HPS5: variants seen among roughly 807,000 people sequenced by gnomAD.
HPS5 encodes the protein BLOC-2 complex member HPS5.
A neutral mutation model predicts 128.0 loss-of-function variants in HPS5; 83 were observed. The ratio of observed to expected loss-of-function variants is 0.65; its 90% CI spans 0.54 to 0.78. The LOEUF (loss-of-function observed/expected upper bound fraction) is 0.78, where lower values mean the gene tolerates loss of function less well. Among genes scored for constraint, HPS5 ranks in the 30% least tolerant of loss-of-function variants. The probability of loss-of-function intolerance (pLI) is 0.00; values close to 1 mark genes in which losing one functional copy is unlikely to be tolerated. For synonymous variants in HPS5, 475 were observed against 470.2 expected (o/e 1.01, Z -0.13); for missense variants, 1,281 against 1,326.2 (o/e 0.97, Z 0.53).
intron 2 of HPS5, among the ~76,000 whole-genome samples, chr11:18,317,451 T>C (rs1309611176): frequency 6.6e-6 from 1 of 152,014 alleles, no homozygotes; most frequent in East Asian, 1.9e-4. Flanking sequence ...AGACAAAGTT[T>C]CACCATGTTG....
rs1376281256 is a variant in HPS5, at chr11:18,311,417, T to C, written c.254A>G (p.His85Arg). Reference sequence around the variant, plus strand: ...AGCTACAGCAACATAATCATCATCATGTAAACAACAGGCGACTTGAGAAAT... The same window carrying C: ...AGCTACAGCAACATAATCATCATCACGTAAACAACAGGCGACTTGAGAAAT... ...GAISQVACCL[H>R]DDDYVAVATS... is the part of the protein sequence containing the mutation. Residue 85 changes from histidine (H) to arginine (R), a missense_variant, in exon 4 of 23, where the codon CAT (histidine) becomes CGT (arginine). Physicochemically the swap from His to Arg is conservative, Grantham distance 29 (BLOSUM62 0). Coordinates refer to ENST00000349215, the MANE Select transcript of HPS5 (RefSeq NM_181507.2). The C allele has an allele frequency of 5.6e-6, 9 of 1,609,974 alleles. No individual in the cohort carries two copies. The highest frequency in any genetic ancestry group is 6.8e-6 in the Non-Finnish European group (8 of 1,176,996).
Position 18,279,676 on chromosome 11 carries a change from C to T in HPS5, c.*206G>A. 1.7e-6 allele frequency: 1 copy of T among 603,216 alleles called. No individual in the cohort carries two copies. The highest frequency in any genetic ancestry group is 2.0e-5 in the South Asian group (1 of 50,576). The allele number at this position is 603,216 out of a possible 1,614,324, so 37.4% of individuals were successfully genotyped here. ...AACTTTGGTTAAGAAATGCTGAGTACAACTTTGGTTAAGAAACACTGAGGT... is the reference window on the plus strand; with the variant it reads ...AACTTTGGTTAAGAAATGCTGAGTATAACTTTGGTTAAGAAACACTGAGGT... On this transcript the variant is annotated 3_prime_UTR_variant, in exon 23 of 23. Coordinates refer to ENST00000349215, the MANE Select transcript of HPS5 (RefSeq NM_181507.2).
rs532949873 is a variant in HPS5 at position 18,286,025 on chromosome 11, G to A, written c.2837+566C>T. 1.3e-4 allele frequency among the ~76,000 whole-genome samples: 20 copies of A among 152,154 alleles called. No individual in the cohort carries two copies. The South Asian group carries it at 3.5e-3, about 27-fold the overall frequency. ...GTGGGCCCATGAAAAACCTGCAGGC[G>A]GTCAGCTGTGCAAAGTTTTGCATGA... is the stretch of plus-strand genomic sequence containing the variant. On this transcript the variant is annotated intron_variant, in intron 19 of 22. Coordinates refer to ENST00000349215, the MANE Select transcript of HPS5 (RefSeq NM_181507.2).
intron 10 of HPS5, 129 bp downstream of exon 10, chr11:18,298,663 C>A: frequency 1.2e-6 from 1 of 850,786 alleles, no homozygotes; most frequent in Non-Finnish European, 2.0e-6. Context: ...TTTCTCTGGG[C>A]ATGTATTGCT....
At chr11:18,308,853 T>C in intron 6 of HPS5, 93 bp downstream of exon 6, 3 of 1,274,130 alleles carry the variant, frequency 2.4e-6, no homozygotes, top group South Asian at 1.2e-5. Context: ...AAAATCTGTA[T>C]AACTGATTGA....
At chr11:18,298,122 T>C (rs1329800691) in intron 10 of HPS5, among the ~76,000 whole-genome samples, 1 of 151,292 alleles carries the variant, frequency 6.6e-6, no homozygotes, top group Non-Finnish European at 1.5e-5. Context: ...AAGTCTAATA[T>C]AGAACATAAA....
Position 18,281,257 on chromosome 11 carries a change from T to A in HPS5, c.3329+693A>T, listed in dbSNP as rs1449717436. On this transcript the variant is annotated intron_variant, in intron 22 of 22. Coordinates refer to ENST00000349215, the MANE Select transcript of HPS5 (RefSeq NM_181507.2). ...CCATGTCCAGTTAATTTTTTTGCAT[T>A]TTTTTTTTTTTTTTTTAGTAGAGAC... Among the ~76,000 whole-genome samples, 100 of 138,932 alleles carry A rather than the reference T, an allele frequency of 7.2e-4. 2 individuals carry two copies. Among genetic ancestry groups the A allele is most frequent in the African/African-American group, 1.9e-3 (67 of 35,616 alleles). The allele number at this position is 138,932 out of a possible 152,430, so 91.1% of individuals were successfully genotyped here.
chr11:18,307,931 G>C (rs1207191845), intron 6 of HPS5, among the ~76,000 whole-genome samples: 1 of 152,150 alleles, frequency 6.6e-6, no homozygotes, highest in Admixed American at 6.5e-5. Flanking sequence ...TCCAACTTTA[G>C]TTATGAAATA....
At chr11:18,313,063 G>C (rs1863188423) in intron 2 of HPS5, among the ~76,000 whole-genome samples, 1 of 152,142 alleles carries the variant, frequency 6.6e-6, no homozygotes, top group Non-Finnish European at 1.5e-5. Context: ...CTCCTTTAGG[G>C]CAGTAGCAAA....
rs192213639 is a variant in HPS5, at chr11:18,309,724, G to A, written c.478-645C>T. On this transcript the variant is annotated intron_variant, in intron 5 of 22. Coordinates refer to ENST00000349215, the MANE Select transcript of HPS5 (RefSeq NM_181507.2). Reference sequence around the variant, plus strand: ...AATAAAATAATTTAGCCAATAGCCAGGCGCAGTGGCTCATGTCTGTAATCC... The same window carrying A: ...AATAAAATAATTTAGCCAATAGCCAAGCGCAGTGGCTCATGTCTGTAATCC... Among the ~76,000 whole-genome samples, 461 of 152,336 alleles carry A rather than the reference G, an allele frequency of 3.0e-3. 24 individuals are homozygous for A. The South Asian group carries it at 0.083, about 27-fold the overall frequency.
In HPS5 at chr11:18,291,914, A is replaced by T; in HGVS notation, c.1968T>A (p.Phe656Leu). The change falls in exon 16 of 23, where the codon TTT (phenylalanine) becomes TTA (leucine). Residue 656 changes from phenylalanine (F) to leucine (L), a missense_variant. Phe to Leu is a conservative substitution (Grantham distance 22). Coordinates refer to ENST00000349215, the MANE Select transcript of HPS5 (RefSeq NM_181507.2). ...HLEKTFAMKD[F>L]SGVSDTDNSS... ...AGTTGTCAGTATCTGAAACACCTGA[A>T]AAGTCCTTCATGGCAAATGTTTTTT... 1 of 1,609,364 alleles carries T rather than the reference A, an allele frequency of 6.2e-7. No homozygotes were observed. Among genetic ancestry groups the T allele is most frequent in the Non-Finnish European group, 8.5e-7 (1 of 1,178,334 alleles).
At chr11:18,315,626 TAGAAAGAAAGAA>T (rs781072501) in intron 2 of HPS5, among the ~76,000 whole-genome samples, 1 of 144,692 alleles carries the variant, frequency 6.9e-6, no homozygotes, top group African/African-American at 2.6e-5. Context: ...AAAAAAAAAA[TAGAAAGAAAGAA>T]AGAAAGAAAA....
In HPS5 at chr11:18,317,754, T is replaced by C. The variant is rs375494225; in HGVS notation, c.105A>G (p.Leu35=). ...ATACAAGGATCAAGAAATTCACCTT[T>C]AGACGACTGGAGTCCAGCCGCAGGG... ...LSALRLDSSR[L]KCTSIAVSRK... is the part of the protein sequence containing the mutation. Residue 35 remains leucine, a synonymous_variant, in exon 2 of 23, where the codon CTA becomes CTG. Transcript: ENST00000349215. The C allele has an allele frequency of 7.4e-6, 12 of 1,613,348 alleles. No homozygotes were observed. The highest frequency in any genetic ancestry group is 1.0e-5 in the Non-Finnish European group (12 of 1,179,780).
chr11:18,297,947 G>A (rs1012855797), intron 10 of HPS5, among the ~76,000 whole-genome samples: 2 of 151,852 alleles, frequency 1.3e-5, no homozygotes, highest in African/African-American at 4.8e-5. Context: ...GGGCATGGGG[G>A]CAGGCATCTG....
chr11:18,312,855 A>C (rs1017228652), intron 2 of HPS5, among the ~76,000 whole-genome samples: 9 of 152,222 alleles, frequency 5.9e-5, no homozygotes, highest in African/African-American at 2.2e-4. Flanking sequence ...CAGTTATATC[A>C]TTGGGCCACT....
rs77728307 is a variant in HPS5 at position 18,314,230 on chromosome 11, G to C, written c.109-2206C>G. Among the ~76,000 whole-genome samples, 330 of 151,920 alleles carry C rather than the reference G, an allele frequency of 2.2e-3. 2 individuals carry two copies. The highest frequency in any genetic ancestry group is 7.4e-3 in the African/African-American group (308 of 41,442). ...CACTCCAGCTTGGGCAACATAGTAAGACCGCATCCCCCCTCCCCCGACCAG... is the reference window on the plus strand; with the variant it reads ...CACTCCAGCTTGGGCAACATAGTAACACCGCATCCCCCCTCCCCCGACCAG... On this transcript the variant is annotated intron_variant, in intron 2 of 22. Coordinates refer to ENST00000349215, the MANE Select transcript of HPS5 (RefSeq NM_181507.2).
chr11:18,314,242 C>G (rs1299312826), intron 2 of HPS5, among the ~76,000 whole-genome samples: 2 of 151,822 alleles, frequency 1.3e-5, no homozygotes, highest in Non-Finnish European at 2.9e-5. Context: ...CCGCATCCCC[C>G]CTCCCCCGAC....
rs35752943 is a variant in HPS5 at position 18,288,734 on chromosome 11, C to CTGTGTGTGTG, written c.2441-731_2441-722dup. On this transcript the variant is annotated intron_variant, in intron 16 of 22. Transcript: ENST00000349215. ...GATCACTGCAACCTTGAACTCCTGGCTGTGTGTGTGTGTGTGTGTGTGTGC... is the reference window on the plus strand; with the variant it reads ...GATCACTGCAACCTTGAACTCCTGGCTGTGTGTGTGTGTGTGTGTGTGTGTGTGTGTGTGC... Among the ~76,000 whole-genome samples, 113 of 149,800 alleles carry CTGTGTGTGTG rather than the reference C, an allele frequency of 7.5e-4. 1 individual carries two copies. The highest frequency in any genetic ancestry group is 2.3e-3 in the African/African-American group (93 of 40,940).
intron 9 of HPS5, 41 bp downstream of exon 9, chr11:18,300,787 A>G (rs1261886441): frequency 3.9e-6 from 4 of 1,032,330 alleles, no homozygotes; most frequent in African/African-American, 3.2e-5. Flanking sequence ...TCAAATTTTC[A>G]TAAGCATGAG....
Sources: allele counts gnomAD v4.1 joint callset (sites outside exome capture counted in the v4.1 genomes callset), GRCh38; gene constraint gnomAD v4.1.1; transcripts MANE v1.5; gene names NCBI Gene and HGNC (gene_info 2026-07-23, HGNC 2026-07-21).